CALN1: variants seen among roughly 807,000 people sequenced by gnomAD.
CALN1 encodes the protein calneuron 1, also known as calcium-binding protein 8.
In CALN1, 17 loss-of-function variants were observed where a neutral mutation model predicts 30.6. The observed-to-expected ratio is 0.56, with a 90% CI of 0.38 to 0.83. The LOEUF (loss-of-function observed/expected upper bound fraction) is 0.83. Ranked by LOEUF, CALN1 falls within the 40% of genes least tolerant of loss-of-function variation. The pLI, the probability that CALN1 is intolerant of heterozygous loss-of-function variation, is 0.00. For missense variants in CALN1, 291 were observed against 354.9 expected (o/e 0.82, Z 1.45); for synonymous variants, 156 against 131.4 (o/e 1.19, Z -1.28).
In CALN1 at chr7:72,367,705, C is replaced by T. The variant is rs546994442; in HGVS notation, c.119+35546G>A. Among the ~76,000 whole-genome samples the T allele has an allele frequency of 1.8e-3, 263 of 148,762 alleles. 2 individuals are homozygous for T. The highest frequency in any genetic ancestry group is 0.017 in the Middle Eastern group (5 of 292). On this transcript the variant is annotated intron_variant, in intron 2 of 6. Coordinates refer to ENST00000395275, the MANE Select transcript of CALN1 (RefSeq NM_031468.4). The stretch of plus-strand genomic sequence containing the variant: ...TAAAAATTAGCCAGGTTTGGTGGCA[C>T]ACGCCTGTGGTCCCAGCTATTCAGG...
intron 2 of CALN1, among the ~76,000 whole-genome samples, chr7:72,359,990 A>AAAAAAAAAAAAAAAAAAAAAAAAAC (rs1365927582): frequency 1.5e-4 from 22 of 148,282 alleles, no homozygotes; most frequent in African/African-American, 4.5e-4. Flanking sequence ...AAAAAAAAAA[A>AAAAAAAAAAAAAAAAAAAAAAAAAC]ACCAAAGTTG....
chr7:72,112,777 A>G (rs1420520532), intron 3 of CALN1, among the ~76,000 whole-genome samples: 1 of 152,232 alleles, frequency 6.6e-6, no homozygotes, highest in East Asian at 1.9e-4. Context: ...CCAGGCTGCA[A>G]TAAATCTGTA....
chr7:71,898,780 A>C (rs1300922924), intron 5 of CALN1, among the ~76,000 whole-genome samples: 1 of 152,244 alleles, frequency 6.6e-6, no homozygotes, highest in Non-Finnish European at 1.5e-5. Flanking sequence ...CTGATGGCTG[A>C]CAGATTGCCC....
At chr7:72,096,451 G>A (rs545739803) in intron 4 of CALN1, among the ~76,000 whole-genome samples, 3 of 88,818 alleles carry the variant, frequency 3.4e-5, no homozygotes, top group East Asian at 3.1e-4. Flanking sequence ...GGGTCCCCCC[G>A]CCCCCACCCA....
At chr7:72,160,906 A>C (rs1260909958) in intron 3 of CALN1, among the ~76,000 whole-genome samples, 1 of 152,212 alleles carries the variant, frequency 6.6e-6, no homozygotes, top group Non-Finnish European at 1.5e-5. Context: ...ACCGGATAGA[A>C]AGCTAGGAGA....
At chr7:71,868,563 G>C (rs967442901) in intron 5 of CALN1, among the ~76,000 whole-genome samples, 4 of 151,892 alleles carry the variant, frequency 2.6e-5, no homozygotes, top group Non-Finnish European at 4.4e-5. Flanking sequence ...GTAGAGACAG[G>C]GTTTCGCCAC....
the CALN1 span, among the ~76,000 whole-genome samples, chr7:72,497,721 CAG>C: frequency 6.6e-6 from 1 of 151,950 alleles, no homozygotes; most frequent in Non-Finnish European, 1.5e-5. Flanking sequence ...TAACAGAATG[CAG>C]AGTCTCTACA....
chr7:72,251,860 A>G (rs1795585789), intron 3 of CALN1, among the ~76,000 whole-genome samples: 1 of 152,212 alleles, frequency 6.6e-6, no homozygotes, highest in Non-Finnish European at 1.5e-5. Flanking sequence ...ACACTGGACA[A>G]AGGGTAGAGG....
chr7:72,072,526 G>A (rs893844495), intron 4 of CALN1, among the ~76,000 whole-genome samples: 1 of 152,134 alleles, frequency 6.6e-6, no homozygotes, highest in African/African-American at 2.4e-5. Flanking sequence ...GTCCTTCAGG[G>A]TGAAATTTAA....
At chr7:72,390,481 T>G (rs1332425836) in intron 2 of CALN1, among the ~76,000 whole-genome samples, 1 of 151,946 alleles carries the variant, frequency 6.6e-6, no homozygotes, top group African/African-American at 2.4e-5. Flanking sequence ...CCTGAGACAG[T>G]GAAACGTGGC....
At chr7:72,369,303 A>G (rs59650922) in intron 2 of CALN1, among the ~76,000 whole-genome samples, 2,255 of 146,850 alleles carry the variant, frequency 0.015, 22 homozygotes, top group Middle Eastern at 0.025. Context: ...ATATATTTAT[A>G]TATTTATAAA....
upstream of CALN1, among the ~76,000 whole-genome samples, chr7:72,451,266 G>A (rs979854084): frequency 5.4e-5 from 8 of 149,366 alleles, no homozygotes; most frequent in African/African-American, 1.7e-4. Flanking sequence ...GGAGGAGGAG[G>A]AGAAGGAGGA....
intron 3 of CALN1, among the ~76,000 whole-genome samples, chr7:72,191,986 C>T (rs905074327): frequency 4.6e-5 from 7 of 152,182 alleles, no homozygotes; most frequent in Admixed American, 1.3e-4. Context: ...TTACCTTTAA[C>T]GGCAAAAACC....
chr7:72,004,207 A>C (rs753691540), intron 5 of CALN1, among the ~76,000 whole-genome samples: 2 of 152,224 alleles, frequency 1.3e-5, no homozygotes, highest in Non-Finnish European at 2.9e-5. Context: ...GAAACAGAAC[A>C]GAGAACCCAG....
intron 3 of CALN1, among the ~76,000 whole-genome samples, chr7:72,219,875 A>G (rs906794176): frequency 6.6e-6 from 1 of 152,148 alleles, no homozygotes; most frequent in Non-Finnish European, 1.5e-5. Flanking sequence ...AACAAGAGCT[A>G]CCTTCTAAAC....
At chr7:71,993,528 C>A (rs2129528014) in intron 5 of CALN1, among the ~76,000 whole-genome samples, 1 of 151,110 alleles carries the variant, frequency 6.6e-6, no homozygotes, top group African/African-American at 2.4e-5. Flanking sequence ...ACAATCTCGG[C>A]TCACTGCAAC....
chr7:72,302,234 T>C (rs1649576762), intron 2 of CALN1, among the ~76,000 whole-genome samples: 1 of 152,076 alleles, frequency 6.6e-6, no homozygotes, highest in Non-Finnish European at 1.5e-5. Flanking sequence ...TGAAAATGCC[T>C]GTCAGCTGCT....
intron 4 of CALN1, among the ~76,000 whole-genome samples, chr7:72,102,128 C>A (rs1461839227): frequency 3.3e-5 from 5 of 152,150 alleles, no homozygotes; most frequent in Admixed American, 6.6e-5. Flanking sequence ...CTCCTGTGCC[C>A]AGTCCATTTT....
chr7:72,191,970 T>C (rs1790641105), intron 3 of CALN1, among the ~76,000 whole-genome samples: 1 of 152,152 alleles, frequency 6.6e-6, no homozygotes, highest in African/African-American at 2.4e-5. Flanking sequence ...AAAACTTCGA[T>C]GGCGATTACC....
Sources: gnomAD v4.1 joint callset for allele counts (sites outside exome capture counted in the v4.1 genomes callset) on GRCh38, gnomAD v4.1.1 for gene constraint, MANE v1.5 for transcripts, NCBI Gene and HGNC (gene_info 2026-07-23, HGNC 2026-07-21) for gene names.